IL13RA2: variants seen among roughly 807,000 people sequenced by gnomAD.
IL13RA2 encodes interleukin-13 receptor subunit alpha-2.
Under a neutral mutation model 34.1 loss-of-function variants are expected in IL13RA2, and 25 were observed. The ratio of observed to expected loss-of-function variants is 0.73; its 90% CI spans 0.53 to 1.03. IL13RA2 has a LOEUF of 1.03. Ranked by LOEUF, IL13RA2 falls within the 50% of genes least tolerant of loss-of-function variation. IL13RA2 has a pLI of 0.00. For missense variants in IL13RA2, 297 were observed against 280.9 expected, an observed-to-expected ratio of 1.06 and a Z score of -0.41; for synonymous variants, 106 against 100.4, an observed-to-expected ratio of 1.06 and a Z score of -0.33.
chrX:115,009,112 C>G (rs1442607423), intron 7 of IL13RA2, among the ~76,000 whole-genome samples: 1 of 111,365 alleles, frequency 9.0e-6, no homozygotes, highest in Non-Finnish European at 1.9e-5. Flanking sequence ...ATTCCCCAGG[C>G]AGCCCTTCTT....
intron 5 of IL13RA2, among the ~76,000 whole-genome samples, chrX:115,012,777 CAA>C (rs112232206): frequency 0.14 from 13,315 of 95,797 alleles, 648 homozygotes; most frequent in Middle Eastern, 0.19. Flanking sequence ...AACAAACAAA[CAA>C]AAAAAAAAAC....
At chrX:115,013,742 T>C (rs2071715456) in intron 5 of IL13RA2, 27 bp downstream of exon 5, 2 of 853,891 alleles carry the variant, frequency 2.3e-6, no homozygotes, top group Non-Finnish European at 3.4e-6. Flanking sequence ...TTTTTTAATA[T>C]GGAATTCTAA....
intron 8 of IL13RA2, among the ~76,000 whole-genome samples, chrX:115,006,641 C>T (rs1224194915): frequency 8.1e-5 from 9 of 111,520 alleles, no homozygotes; most frequent in Non-Finnish European, 1.1e-4. Flanking sequence ...CAACATCATG[C>T]CACTGCACTC....
intron 9 of IL13RA2, 78 bp downstream of exon 9, chrX:115,005,119 T>C: frequency 7.2e-6 from 4 of 558,190 alleles, no homozygotes; most frequent in Non-Finnish European, 1.3e-5. Context: ...ATAAAATGTA[T>C]CTCCATCAGT....
At chrX:115,008,251 A>T (rs781856899) in intron 7 of IL13RA2, among the ~76,000 whole-genome samples, 175 bp from the exon 8 acceptor site, 4 of 111,533 alleles carry the variant, frequency 3.6e-5, no homozygotes, top group South Asian at 3.7e-4. Flanking sequence ...TGGGGGTTTT[A>T]AAATCATTGT....
Position 115,014,589 on chromosome X carries a change from G to A in IL13RA2, c.247-15C>T. ...GTAATGATGGTCTGTTTGACAAAAA[G>A]ATGAGACAAAGTCAAGCTTAGAAAC... is the stretch of plus-strand genomic sequence containing the variant. On this transcript the variant is annotated splice_polypyrimidine_tract_variant and intron_variant, in intron 3 of 9. Coordinates refer to ENST00000243213, the MANE Select transcript of IL13RA2 (RefSeq NM_000640.3). The A allele has an allele frequency of 8.7e-7, 1 of 1,153,352 alleles. No homozygotes were observed. The highest frequency in any genetic ancestry group is 1.2e-6 in the Non-Finnish European group (1 of 851,076).
intron 2 of IL13RA2, among the ~76,000 whole-genome samples, chrX:115,016,896 A>C (rs1006749962): frequency 1.5e-4 from 17 of 110,211 alleles, no homozygotes; most frequent in Non-Finnish European, 2.8e-4. Context: ...CAGATACTTA[A>C]TCTGTTAAAA....
At position 115,016,471 on chromosome X, in the gene IL13RA2, A is replaced by G. The variant is rs17095080; in HGVS notation, c.95-650T>C. Among the ~76,000 whole-genome samples, 372 of 109,591 alleles carry G rather than the reference A, an allele frequency of 3.4e-3. 2 individuals are homozygous for G. The highest frequency in any genetic ancestry group is 0.019 in the Middle Eastern group (4 of 207). ...TAATTTTTAGAGAAGCAAAAAATTCAATGTGGCTTTATCTCTGTGCTCATG... is the reference window on the plus strand; with the variant it reads ...TAATTTTTAGAGAAGCAAAAAATTCGATGTGGCTTTATCTCTGTGCTCATG... On this transcript the variant is annotated intron_variant, in intron 2 of 9. Coordinates refer to ENST00000243213, the MANE Select transcript of IL13RA2 (RefSeq NM_000640.3).
intron 5 of IL13RA2, among the ~76,000 whole-genome samples, chrX:115,011,311 C>T (rs1317005739): frequency 9.0e-6 from 1 of 111,446 alleles, no homozygotes; most frequent in Non-Finnish European, 1.9e-5. Context: ...ATACAATACA[C>T]ATCAAGAGAT....
chrX:115,005,258 A>G lies in IL13RA2; in HGVS notation c.1055T>C (p.Leu352Ser), dbSNP rs782029614. ...ACCGGTTACAAATATAACTAATATT[A>G]AGATGAAACCAAATGGTAGCCAGAA... ...LRFWLPFGFI[L>S]ILVIFVTGLL... Residue 352 changes from leucine to serine, a missense_variant, in exon 9 of 10, where the codon TTA becomes TCA. Leu to Ser is a moderately radical substitution (Grantham distance 145). Coordinates refer to ENST00000243213, the MANE Select transcript of IL13RA2 (RefSeq NM_000640.3). 25 of 1,150,970 alleles carry G rather than the reference A, an allele frequency of 2.2e-5. No individual in the cohort carries two copies. Among genetic ancestry groups the G allele is most frequent in the Non-Finnish European group, 2.9e-5 (24 of 840,762 alleles). 94.9% of individuals were successfully genotyped at this position (1,150,970 alleles called of 1,213,427 possible). A position where few individuals can be genotyped will look rare whatever the true frequency, so the allele number is the denominator to read the frequency against.
chrX:115,015,077 G>A (rs1444608020), intron 3 of IL13RA2, among the ~76,000 whole-genome samples: 1 of 111,790 alleles, frequency 8.9e-6, no homozygotes, highest in Non-Finnish European at 1.9e-5. Flanking sequence ...CCAGCACAAA[G>A]TTGATCAATA....
chrX:115,005,769 T>C (rs373521013), intron 8 of IL13RA2, among the ~76,000 whole-genome samples: 72 of 112,280 alleles, frequency 6.4e-4, no homozygotes, highest in African/African-American at 2.3e-3. Flanking sequence ...GTGTGAGTAA[T>C]GGAAATCATC....
chrX:115,009,413 G>A, intron 7 of IL13RA2, 108 bp downstream of exon 7: 4 of 576,114 alleles, frequency 6.9e-6, no homozygotes, highest in Non-Finnish European at 1.1e-5. Flanking sequence ...TAAGATATAT[G>A]TCATGTTCTG....
intron 1 of IL13RA2, 88 bp downstream of exon 1, chrX:115,017,465 C>G (rs1556510464): frequency 5.6e-6 from 2 of 357,701 alleles, no homozygotes; most frequent in Non-Finnish European, 9.6e-6. Flanking sequence ...AAGTTAGGAA[C>G]CAATATAATT....
At chrX:115,010,882 C>G (rs2071703520) in intron 5 of IL13RA2, 54 bp from the exon 6 acceptor site, 4 of 531,648 alleles carry the variant, frequency 7.5e-6, no homozygotes, top group Non-Finnish European at 5.8e-6. Context: ...TTTCCAGTAT[C>G]AAGGCACTTC....
intron 5 of IL13RA2, 23 bp from the exon 6 acceptor site, chrX:115,010,851 AT>A: frequency 2.4e-6 from 2 of 819,670 alleles, no homozygotes; most frequent in Non-Finnish European, 3.3e-6. Context: ...TGTTGTGAGA[AT>A]TGTGTTTAAA....
In IL13RA2 at chrX:115,005,030, A is replaced by T. The variant is rs781980419; in HGVS notation, c.1116+167T>A. On this transcript the variant is annotated intron_variant, in intron 9 of 9. Transcript: ENST00000243213. ...ATGAAGTCTTGTAAGCTTAATTTTT[A>T]AAAATTGCTGTATTTTCTGAAGATA... The T allele has an allele frequency of 3.8e-5, 15 of 397,208 alleles. No homozygotes were observed. The East Asian group carries it at 5.0e-4, about 13-fold the overall frequency. The allele number at this position is 397,208 out of a possible 1,213,427, so 32.7% of individuals were successfully genotyped here. A position where few individuals can be genotyped will look rare whatever the true frequency, so the allele number is the denominator to read the frequency against.
intron 5 of IL13RA2, among the ~76,000 whole-genome samples, chrX:115,013,465 A>T (rs1431383132): frequency 8.9e-6 from 1 of 111,924 alleles, no homozygotes; most frequent in Non-Finnish European, 1.9e-5. Flanking sequence ...TAAAAAAACA[A>T]GAATATAAAA....
intron 5 of IL13RA2, among the ~76,000 whole-genome samples, chrX:115,012,479 T>C (rs1416566817): frequency 8.9e-6 from 1 of 111,759 alleles, no homozygotes; most frequent in Non-Finnish European, 1.9e-5. Context: ...AAAAAATAGT[T>C]CAAGGCCAGG....
Sources: allele counts gnomAD v4.1 joint callset (sites outside exome capture counted in the v4.1 genomes callset), GRCh38; gene constraint gnomAD v4.1.1; transcripts MANE v1.5; gene names NCBI Gene and HGNC (gene_info 2026-07-23, HGNC 2026-07-21).